The following RIMS1 variants were observed in gnomAD, a reference collection of about 807,000 sequenced individuals.
The protein encoded by RIMS1 is regulating synaptic membrane exocytosis 1, also known as regulating synaptic membrane exocytosis protein 1.
RIMS1 carries 83 observed loss-of-function variants against 214.1 expected under a neutral mutation model. The observed-to-expected ratio is 0.39, with a 90% CI of 0.32 to 0.47. The LOEUF is 0.47. Among genes scored for constraint, RIMS1 ranks in the 20% least tolerant of loss-of-function variants. RIMS1 has a pLI of 0.99. For synonymous variants in RIMS1, 793 were observed against 786.8 expected (o/e 1.01, Z -0.13); for missense variants, 2,050 against 2,161.8 (o/e 0.95, Z 1.03).
intron 4 of RIMS1, among the ~76,000 whole-genome samples, chr6:72,140,421 A>C (rs1326218365): frequency 6.6e-6 from 1 of 152,144 alleles, no homozygotes; most frequent in African/African-American, 2.4e-5. Context: ...ATTTCAGTAC[A>C]TTTAGAATTT....
chr6:72,364,053 C>T (rs74470359), intron 29 of RIMS1, among the ~76,000 whole-genome samples: 1,928 of 152,306 alleles, frequency 0.013, 21 homozygotes, highest in African/African-American at 0.03. Flanking sequence ...TCACCTGGCA[C>T]CAACTCCTCC....
intron 2 of RIMS1, among the ~76,000 whole-genome samples, chr6:72,078,292 A>T (rs1238558354): frequency 6.6e-6 from 1 of 152,196 alleles, no homozygotes; most frequent in Non-Finnish European, 1.5e-5. Context: ...AATTATTTTT[A>T]GGCAGGAGAC....
At chr6:71,968,423 A>C (rs1795010500) in intron 1 of RIMS1, among the ~76,000 whole-genome samples, 1 of 152,012 alleles carries the variant, frequency 6.6e-6, no homozygotes. Context: ...ACACACACAC[A>C]CACTCTTTAT....
At chr6:72,092,575 C>CA (rs1405998615) in intron 2 of RIMS1, among the ~76,000 whole-genome samples, 1 of 152,026 alleles carries the variant, frequency 6.6e-6, no homozygotes, top group African/African-American at 2.4e-5. Flanking sequence ...GCTGCTGAAA[C>CA]AAAAAAGGAA....
intron 4 of RIMS1, among the ~76,000 whole-genome samples, chr6:72,166,066 A>C (rs2046214275): frequency 6.6e-6 from 1 of 152,226 alleles, no homozygotes; most frequent in African/African-American, 2.4e-5. Context: ...GAGACTGAGA[A>C]GTCCAATAAC....
intron 29 of RIMS1, among the ~76,000 whole-genome samples, chr6:72,362,853 A>G (rs1215820416): frequency 1.3e-5 from 2 of 152,178 alleles, no homozygotes; most frequent in Non-Finnish European, 2.9e-5. Flanking sequence ...TTGGGACCAG[A>G]AGACCTTGGA....
Position 72,237,932 on chromosome 6 carries a change from C to A in RIMS1, c.1957+10C>A, listed in dbSNP as rs376761576. ...GGACACCTAAGAGCAGGTAAAGTTT[C>A]TTTTTTTAATATTTAAACAGTGTGT... On this transcript the variant is annotated intron_variant, in intron 9 of 33. Transcript: ENST00000521978. 4.4e-6 allele frequency: 7 copies of A among 1,581,088 alleles called. No individual in the cohort carries two copies. The highest frequency in any genetic ancestry group is 5.2e-6 in the Non-Finnish European group (6 of 1,158,802).
intron 22 of RIMS1, among the ~76,000 whole-genome samples, chr6:72,270,795 A>G (rs991260119): frequency 6.6e-6 from 1 of 152,150 alleles, no homozygotes; most frequent in African/African-American, 2.4e-5. Context: ...TCCTGTGCCC[A>G]ATTCTTTACC....
chr6:71,930,763 C>T (rs1259646771), intron 1 of RIMS1, among the ~76,000 whole-genome samples: 1 of 151,934 alleles, frequency 6.6e-6, no homozygotes, highest in African/African-American at 2.4e-5. Flanking sequence ...TGAAGATTTA[C>T]AAATGGAAAT....
rs114580624 is a variant in RIMS1 at position 72,153,330 on chromosome 6, C to T, written c.472-26245C>T. Among the ~76,000 whole-genome samples, 1,173 of 151,436 alleles carry T rather than the reference C, an allele frequency of 7.7e-3. 20 individuals carry two copies. The highest frequency in any genetic ancestry group is 0.027 in the African/African-American group (1,116 of 41,292). On this transcript the variant is annotated intron_variant, in intron 4 of 33. Coordinates refer to ENST00000521978, the MANE Select transcript of RIMS1 (RefSeq NM_014989.7). ...CTGAATCAGGAACTTCTAAAGCAAC[C>T]AGTAAGGAGATTTTTTTTCAGTATA...
rs181320531 is a variant in RIMS1, at chr6:72,284,483, T to C, written c.3554+365T>C. 3.7e-4 allele frequency among the ~76,000 whole-genome samples: 56 copies of C among 152,280 alleles called. 1 individual carries two copies. The highest frequency in any genetic ancestry group is 2.6e-3 in the Admixed American group (40 of 15,280). On this transcript the variant is annotated intron_variant, in intron 24 of 33. Transcript: ENST00000521978. ...TGTAGTGCCTGGAATATGCAAATTA[T>C]TGACTGTCTTATTTATCTAAATAAT...
chr6:72,187,112 C>T (rs376303443), intron 6 of RIMS1, among the ~76,000 whole-genome samples: 5 of 150,828 alleles, frequency 3.3e-5, no homozygotes, highest in African/African-American at 1.2e-4. Flanking sequence ...GGCGATAGAG[C>T]GAGACCCCGT....
At chr6:72,216,937 ATC>A in intron 6 of RIMS1, 2 of 1,304,798 alleles carry the variant, frequency 1.5e-6, no homozygotes, top group Non-Finnish European at 9.8e-7. Context: ...ATCAATGAGA[ATC>A]TGTTCACTGC....
chr6:72,331,141 T>C (rs1056133174), intron 28 of RIMS1, among the ~76,000 whole-genome samples: 2 of 151,766 alleles, frequency 1.3e-5, no homozygotes, highest in African/African-American at 4.8e-5. Context: ...TCATCTTAAA[T>C]TTTAATAATA....
chr6:72,179,531 C>A, intron 4 of RIMS1, 44 bp from the exon 5 acceptor site: 1 of 1,394,774 alleles, frequency 7.2e-7, no homozygotes, highest in Non-Finnish European at 1.0e-6. Flanking sequence ...AAATTATTTC[C>A]AAGAGGGCAT....
intron 16 of RIMS1, among the ~76,000 whole-genome samples, chr6:72,254,866 A>G (rs1470229014): frequency 2.0e-5 from 3 of 152,220 alleles, no homozygotes; most frequent in African/African-American, 7.2e-5. Flanking sequence ...AAGTGTTTGC[A>G]AACATGCATA....
chr6:71,949,991 A>G (rs1788955835), intron 1 of RIMS1, among the ~76,000 whole-genome samples: 1 of 152,222 alleles, frequency 6.6e-6, no homozygotes, highest in Non-Finnish European at 1.5e-5. Context: ...TGAATAAACA[A>G]GTCATGGTAA....
rs143392600 is a variant in RIMS1 at position 72,144,520 on chromosome 6, A to G, written c.472-35055A>G. 3.9e-5 allele frequency among the ~76,000 whole-genome samples: 6 copies of G among 152,270 alleles called. No individual in the cohort carries two copies. In the South Asian group the frequency reaches 8.3e-4, roughly 21 times the overall value. On this transcript the variant is annotated intron_variant, in intron 4 of 33. Transcript: ENST00000521978. Reference sequence around the variant, plus strand: ...GGATAAAGACAGCTCAAAAGTCCTAAGGCTGCTGACATGAACAGATAATTG... The same window carrying G: ...GGATAAAGACAGCTCAAAAGTCCTAGGGCTGCTGACATGAACAGATAATTG...
intron 23 of RIMS1, among the ~76,000 whole-genome samples, chr6:72,276,164 A>G (rs761539884): frequency 6.6e-6 from 1 of 152,234 alleles, no homozygotes; most frequent in Non-Finnish European, 1.5e-5. Context: ...GTAGTGAGCC[A>G]TGGTCATACT....
Sources: gnomAD v4.1 joint callset for allele counts (sites outside exome capture counted in the v4.1 genomes callset) on GRCh38, gnomAD v4.1.1 for gene constraint, MANE v1.5 for transcripts, NCBI Gene and HGNC (gene_info 2026-07-23, HGNC 2026-07-21) for gene names.